CDK8: variants seen among roughly 807,000 people sequenced by gnomAD.
CDK8 encodes the protein cyclin dependent kinase 8, also known as cyclin-dependent kinase 8.
In CDK8, 29 loss-of-function variants were observed where a neutral mutation model predicts 71.5. That is an observed-to-expected ratio of 0.41 (90% confidence interval 0.30 to 0.55). The LOEUF is 0.55. Among genes scored for constraint, CDK8 ranks in the 20% least tolerant of loss-of-function variants. CDK8 has a pLI of 0.37. For synonymous variants in CDK8, 161 were observed against 192.1 expected, an observed-to-expected ratio of 0.84 and a Z score of 1.34; for missense variants, 288 against 572.6, an observed-to-expected ratio of 0.50 and a Z score of 5.07.
chr13:26,370,027 T>G (rs1874592781), intron 4 of CDK8, among the ~76,000 whole-genome samples: 2 of 152,212 alleles, frequency 1.3e-5, no homozygotes, highest in South Asian at 4.1e-4. Flanking sequence ...AAGACATTTG[T>G]CACAGGACTA....
At chr13:26,395,113 A>G (rs1875922329) in intron 7 of CDK8, among the ~76,000 whole-genome samples, 1 of 152,236 alleles carries the variant, frequency 6.6e-6, no homozygotes, top group Non-Finnish European at 1.5e-5. Flanking sequence ...TTAGTTTACA[A>G]TATGTGATGT....
intron 3 of CDK8, among the ~76,000 whole-genome samples, chr13:26,353,148 C>T (rs1471387981): frequency 6.6e-6 from 1 of 152,256 alleles, no homozygotes; most frequent in East Asian, 1.9e-4. Flanking sequence ...TAAAGTTGTG[C>T]TTTGTTTTAC....
At chr13:26,385,124 T>C in intron 5 of CDK8, 87 bp from the exon 6 acceptor site, 1 of 1,114,688 alleles carries the variant, frequency 9.0e-7, no homozygotes, top group South Asian at 1.6e-5. Context: ...ATTTTTCATC[T>C]TACTGAATAA....
chr13:26,342,222 A>C (rs1315400916), intron 2 of CDK8, among the ~76,000 whole-genome samples: 1 of 152,196 alleles, frequency 6.6e-6, no homozygotes, highest in East Asian at 1.9e-4. Flanking sequence ...TGTTTTCAAA[A>C]TATTTTAACA....
chr13:26,326,481 G>A (rs1875023071), intron 1 of CDK8, among the ~76,000 whole-genome samples: 1 of 152,172 alleles, frequency 6.6e-6, no homozygotes, highest in Admixed American at 6.5e-5. Flanking sequence ...ACAAATTAAA[G>A]CATGATAATT....
intron 1 of CDK8, among the ~76,000 whole-genome samples, chr13:26,273,600 G>A (rs7325618): frequency 0.11 from 16,434 of 151,644 alleles, 2,631 homozygotes; most frequent in African/African-American, 0.35. Flanking sequence ...AACTTTTTCT[G>A]TGCAGTTCAG....
intron 6 of CDK8, among the ~76,000 whole-genome samples, chr13:26,387,232 T>C (rs1875522281): frequency 1.3e-5 from 2 of 152,224 alleles, no homozygotes; most frequent in Non-Finnish European, 2.9e-5. Flanking sequence ...TTTTGCAGTA[T>C]TCCCAGAATA....
chr13:26,287,596 A>G (rs1282232552), intron 1 of CDK8, among the ~76,000 whole-genome samples: 1 of 152,214 alleles, frequency 6.6e-6, no homozygotes. Context: ...GGCTAGGGAT[A>G]AAAGACTACA....
chr13:26,303,318 T>A (rs1374393455), intron 1 of CDK8, among the ~76,000 whole-genome samples: 1 of 152,120 alleles, frequency 6.6e-6, no homozygotes, highest in Non-Finnish European at 1.5e-5. Context: ...TCTTTTTTTT[T>A]TGAGACAGGT....
intron 1 of CDK8, among the ~76,000 whole-genome samples, chr13:26,296,448 G>A (rs1873566334): frequency 6.6e-6 from 1 of 152,210 alleles, no homozygotes; most frequent in Admixed American, 6.5e-5. Flanking sequence ...GAAGGTTGAT[G>A]TGAAAAGGAA....
intron 4 of CDK8, among the ~76,000 whole-genome samples, chr13:26,364,694 G>T (rs528899594): frequency 6.6e-6 from 1 of 152,154 alleles, no homozygotes; most frequent in East Asian, 1.9e-4. Context: ...TGTTATTAAA[G>T]CTCACATGTA....
intron 1 of CDK8, among the ~76,000 whole-genome samples, chr13:26,316,613 A>T (rs1446061785): frequency 6.6e-6 from 1 of 152,162 alleles, no homozygotes; most frequent in Non-Finnish European, 1.5e-5. Context: ...AAAACCTGAG[A>T]AGACTAAGTT....
At chr13:26,319,993 G>A (rs904047655) in intron 1 of CDK8, among the ~76,000 whole-genome samples, 7 of 152,024 alleles carry the variant, frequency 4.6e-5, no homozygotes, top group Admixed American at 3.3e-4. Context: ...TTCAACAAAC[G>A]GTACTGATAA....
chr13:26,349,734 A>G (rs1428598429), intron 3 of CDK8, among the ~76,000 whole-genome samples: 1 of 152,186 alleles, frequency 6.6e-6, no homozygotes, highest in East Asian at 1.9e-4. Context: ...CTGAGGAACA[A>G]TCTTGTATTT....
Position 26,396,303 on chromosome 13 carries a change from TA to T in CDK8, c.815del (p.Lys272ArgfsTer8), listed in dbSNP as rs2138067528. 11 of 1,426,876 alleles carry T rather than the reference TA, an allele frequency of 7.7e-6. No homozygotes were observed. Among genetic ancestry groups the T allele is most frequent in the Admixed American group, 2.0e-5 (1 of 50,538 alleles). 88.4% of individuals were successfully genotyped at this position (1,426,876 alleles called of 1,614,324 possible). ...TTCACAGATAAAGATTGGGAAGATA[TA>T]AAAAAGATGCCTGAACATTCAACAT... ...GFPADKDWED[I>X]KKMPEHSTLM... On this transcript the variant is annotated frameshift_variant, in exon 8 of 13. Transcript: ENST00000381527. LOFTEE classifies it high-confidence loss of function.
intron 6 of CDK8, among the ~76,000 whole-genome samples, chr13:26,390,228 C>G (rs1050522285): frequency 1.3e-5 from 2 of 152,162 alleles, no homozygotes; most frequent in Non-Finnish European, 2.9e-5. Context: ...GATAGAAGAG[C>G]CTTTCTAGTT....
At chr13:26,288,261 C>T (rs1873119813) in intron 1 of CDK8, among the ~76,000 whole-genome samples, 1 of 152,124 alleles carries the variant, frequency 6.6e-6, no homozygotes, top group Admixed American at 6.5e-5. Flanking sequence ...TGCGCCCGGC[C>T]TAGTGCAACT....
chr13:26,308,536 A>C (rs1387441625), intron 1 of CDK8, among the ~76,000 whole-genome samples: 1 of 152,252 alleles, frequency 6.6e-6, no homozygotes, highest in Non-Finnish European at 1.5e-5. Context: ...ATATGCCTTC[A>C]GAAGTAACTG....
chr13:26,260,999 T>C (rs189056569), intron 1 of CDK8, among the ~76,000 whole-genome samples: 1 of 152,320 alleles, frequency 6.6e-6, no homozygotes, highest in Admixed American at 6.5e-5. Flanking sequence ...CAGAACACTT[T>C]GTGAATTTTT....
Sources: allele counts gnomAD v4.1 joint callset (sites outside exome capture counted in the v4.1 genomes callset), GRCh38; gene constraint gnomAD v4.1.1; transcripts MANE v1.5; gene names NCBI Gene and HGNC (gene_info 2026-07-23, HGNC 2026-07-21).